TLE2: variants seen among roughly 807,000 people sequenced by gnomAD.
TLE2 encodes transducin-like enhancer protein 2.
TLE2 carries 74 observed loss-of-function variants against 97.2 expected under a neutral mutation model. The observed-to-expected ratio is 0.76, with a 90% CI of 0.63 to 0.92. TLE2 has a LOEUF of 0.92. Ranked by LOEUF, TLE2 falls within the 40% of genes least tolerant of loss-of-function variation. The pLI is 0.00. For synonymous variants in TLE2, 499 were observed against 432.1 expected (o/e 1.15, Z -1.92); for missense variants, 1,038 against 1,008.7 (o/e 1.03, Z -0.39).
At position 3,014,585 on chromosome 19, in the gene TLE2, A is replaced by T; in HGVS notation, c.708T>A (p.Asn236Lys). ...CTGGACTCACCTCGTCCACCACCAG[A>T]TTGTAATCACTCTTGTCTTCGTCGC... Reference protein sequence around the residue: ...YESDEDKSDYNLVVDEDQPSE... With the variant: ...YESDEDKSDYKLVVDEDQPSE... Residue 236 changes from asparagine (N) to lysine (K), a missense_variant, in exon 10 of 20, where the codon AAT becomes AAA. Coordinates refer to ENST00000262953, the MANE Select transcript of TLE2 (RefSeq NM_003260.5). 6.3e-7 allele frequency: 1 copy of T among 1,590,530 alleles called. No homozygotes were observed. The highest frequency in any genetic ancestry group is 1.7e-5 in the Admixed American group (1 of 57,384).
intron 19 of TLE2, among the ~76,000 whole-genome samples, chr19:2,998,157 A>G (rs1486570536): frequency 1.3e-5 from 2 of 148,512 alleles, no homozygotes; most frequent in Non-Finnish European, 3.0e-5. Context: ...TGCAACCTCC[A>G]CCTCCCGGGT....
At position 3,019,939 on chromosome 19, in the gene TLE2, T is replaced by G; in HGVS notation, c.295-166A>C. ...CACTCTCTCCCTTTCCTTTTGGAAT[T>G]TTGAAATAAGCACACGGAGAAAGAA... is the stretch of plus-strand genomic sequence containing the variant. On this transcript the variant is annotated intron_variant, in intron 5 of 19. Transcript: ENST00000262953. This position sits in a 1 kb window ranked among gnomAD's most constrained non-coding sequence, Gnocchi z 5.1. 1.0e-6 allele frequency: 1 copy of G among 953,694 alleles called. No individual in the cohort carries two copies. The highest frequency in any genetic ancestry group is 1.5e-6 in the Non-Finnish European group (1 of 655,272). The allele number at this position is 953,694 out of a possible 1,614,324, so 59.1% of individuals were successfully genotyped here.
chr19:3,005,802 C>T lies in TLE2; in HGVS notation c.1667G>A (p.Ser556Asn). The T allele has an allele frequency of 1.2e-6, 2 of 1,614,012 alleles. No homozygotes were observed. The highest frequency in any genetic ancestry group is 1.7e-6 in the Non-Finnish European group (2 of 1,179,874). The change falls in exon 16 of 20, where the codon AGC becomes AAC. Residue 556 changes from serine (S) to asparagine (N), a missense_variant. Transcript: ENST00000262953. ...SAPACYALAV[S>N]PDAKVCFSCC... ...GGAGAAGCAAACCTTGGCGTCGGGG[C>T]TGACGGCCAGGGCGTAGCAGGCTGG... is the stretch of plus-strand genomic sequence containing the variant.
chr19:3,031,900 C>T (rs1416176924), upstream of TLE2, among the ~76,000 whole-genome samples: 1 of 152,102 alleles, frequency 6.6e-6, no homozygotes, highest in Non-Finnish European at 1.5e-5. Context: ...CTTCCCAGCT[C>T]CTACCATAGT....
At chr19:3,013,112 G>A (rs534020435) in intron 11 of TLE2, among the ~76,000 whole-genome samples, 8 of 152,136 alleles carry the variant, frequency 5.3e-5, no homozygotes, top group Non-Finnish European at 1.2e-4. Context: ...GTGTAGGGGA[G>A]GGGTCTGGAG....
intron 1 of TLE2, among the ~76,000 whole-genome samples, chr19:3,039,205 A>C (rs1599255938): frequency 7.0e-6 from 1 of 143,316 alleles, no homozygotes. Context: ...GAAGAGCAAA[A>C]CTCTATCCTT....
intron 8 of TLE2, among the ~76,000 whole-genome samples, chr19:3,017,032 C>T (rs1322375215): frequency 6.6e-6 from 1 of 152,126 alleles, no homozygotes; most frequent in Admixed American, 6.6e-5. Flanking sequence ...CCCACCTTGG[C>T]CTCCCAAAGT....
At chr19:3,000,788 G>C in intron 18 of TLE2, 65 bp from the exon 19 acceptor site, 1 of 1,318,188 alleles carries the variant, frequency 7.6e-7, no homozygotes, top group Non-Finnish European at 1.1e-6. Context: ...GCTGCAGGGG[G>C]AGGTCGGGGA....
intron 14 of TLE2, among the ~76,000 whole-genome samples, chr19:3,008,291 T>C (rs2089516876): frequency 1.3e-5 from 2 of 151,956 alleles, no homozygotes; most frequent in South Asian, 4.2e-4. Context: ...CTAAGCAGCA[T>C]CCCTGGCCTC....
chr19:3,045,227 T>C (rs10418394), intron 1 of TLE2, among the ~76,000 whole-genome samples: 4,620 of 152,080 alleles, frequency 0.03, 250 homozygotes, highest in African/African-American at 0.11. Flanking sequence ...ATAATAAAAA[T>C]AAAGAATGCA....
intron 5 of TLE2, among the ~76,000 whole-genome samples, chr19:3,023,085 C>T (rs1265765823): frequency 2.7e-5 from 4 of 148,630 alleles, no homozygotes; most frequent in African/African-American, 7.4e-5. Context: ...GACAGAATCT[C>T]GCTGTGTTGC....
chr19:3,004,484 C>T (rs899569903), intron 17 of TLE2, among the ~76,000 whole-genome samples: 4 of 151,736 alleles, frequency 2.6e-5, no homozygotes, highest in African/African-American at 7.3e-5. Flanking sequence ...CCGACAAATA[C>T]AAAAATTAGC....
chr19:3,022,675 CTGCT>C (rs2089868046), intron 5 of TLE2, among the ~76,000 whole-genome samples: 2 of 152,160 alleles, frequency 1.3e-5, no homozygotes, highest in Non-Finnish European at 1.5e-5. Context: ...CACTCTGAGG[CTGCT>C]TGTGTATACA....
upstream of TLE2, among the ~76,000 whole-genome samples, chr19:3,032,445 C>G (rs908114900): frequency 3.3e-5 from 5 of 152,118 alleles, no homozygotes; most frequent in African/African-American, 1.2e-4. This position sits in a 1 kb window ranked among gnomAD's most constrained non-coding sequence, Gnocchi z 4.1. Context: ...GCTATGTTGG[C>G]CAGGCTGGTC....
At chr19:3,008,824 G>T (rs887605454) in intron 14 of TLE2, 45 bp downstream of exon 14, 2 of 1,459,474 alleles carry the variant, frequency 1.4e-6, no homozygotes, top group Non-Finnish European at 1.8e-6. Flanking sequence ...GGAGGTGGGG[G>T]GCTGGCCCGG....
At chr19:3,015,841 G>T in intron 8 of TLE2, 81 bp from the exon 9 acceptor site, 1 of 1,065,254 alleles carries the variant, frequency 9.4e-7, no homozygotes, top group Non-Finnish European at 1.4e-6. Flanking sequence ...CCGAGACTGA[G>T]GGTCCCCCAC....
intron 2 of TLE2, 99 bp downstream of exon 2, chr19:3,028,607 C>A: frequency 7.1e-7 from 1 of 1,415,684 alleles, no homozygotes; most frequent in Non-Finnish European, 9.9e-7. Flanking sequence ...CGCCCCCCCT[C>A]CAACCGGGAG....
chr19:3,012,839 G>A (rs1028935123), intron 11 of TLE2, among the ~76,000 whole-genome samples: 4 of 152,124 alleles, frequency 2.6e-5, no homozygotes, highest in Non-Finnish European at 4.4e-5. Context: ...TGACACCATC[G>A]CACAAACAGT....
chr19:3,034,183 C>T (rs2090046371), upstream of TLE2, among the ~76,000 whole-genome samples: 1 of 152,050 alleles, frequency 6.6e-6, no homozygotes, highest in Non-Finnish European at 1.5e-5. Context: ...CTATTCCCAA[C>T]ACCTGGCCTG....
Sources: gnomAD v4.1 joint callset for allele counts (sites outside exome capture counted in the v4.1 genomes callset) on GRCh38, gnomAD v4.1.1 for gene constraint, Gnocchi (gnomAD v3.1) non-coding constraint, MANE v1.5 for transcripts, NCBI Gene and HGNC (gene_info 2026-07-23, HGNC 2026-07-21) for gene names.